The following TCF7 variants were observed in gnomAD, a reference collection of about 807,000 sequenced individuals.
TCF7 encodes T-cell-factor-7.
A neutral mutation model predicts 46.8 loss-of-function variants in TCF7; 19 were observed. The observed-to-expected ratio is 0.41, with a 90% CI of 0.28 to 0.60. The LOEUF (loss-of-function observed/expected upper bound fraction) is 0.60. TCF7 is among the 20% of genes least tolerant of loss of function. The pLI is 0.35. For missense variants in TCF7, 547 were observed against 504.6 expected (o/e 1.08, Z -0.81); for synonymous variants, 245 against 213.4 (o/e 1.15, Z -1.29).
At chr5:134,124,886 G>C (rs1397801794) in intron 3 of TCF7, among the ~76,000 whole-genome samples, 1 of 152,206 alleles carries the variant, frequency 6.6e-6, no homozygotes, top group African/African-American at 2.4e-5. Context: ...TTGGGTGCCA[G>C]TGGTGGCAAA....
chr5:134,116,843 T>C (rs1755906173), intron 3 of TCF7, among the ~76,000 whole-genome samples: 2 of 152,266 alleles, frequency 1.3e-5, no homozygotes, highest in Admixed American at 6.5e-5. Context: ...TTTCACACTC[T>C]CCTCAGTTGG....
chr5:134,119,938 G>A (rs182671327), intron 3 of TCF7, among the ~76,000 whole-genome samples: 15 of 152,326 alleles, frequency 9.8e-5, no homozygotes, highest in Non-Finnish European at 2.9e-5. Context: ...CACCAAGCTT[G>A]GTACCAGGTA....
At position 134,121,470 on chromosome 5, in the gene TCF7, GCTACT is replaced by G. The variant is rs1378003034; in HGVS notation, c.441+5444_441+5448del. Among the ~76,000 whole-genome samples the G allele has an allele frequency of 4.0e-5, 6 of 151,622 alleles. No individual in the cohort carries two copies. In the East Asian group the frequency reaches 5.8e-4, roughly 15 times the overall value. ...ATGGTGGCACACGCCTGTAATCCCA[GCTACT>G]CTACTCAGGAGGCTGAGGCAGGAGA... On this transcript the variant is annotated intron_variant, in intron 3 of 9. Coordinates refer to ENST00000342854, the MANE Select transcript of TCF7 (RefSeq NM_003202.5).
chr5:134,115,489 C>T, intron 2 of TCF7, 102 bp downstream of exon 2: 1 of 1,502,014 alleles, frequency 6.7e-7, no homozygotes, highest in Non-Finnish European at 8.9e-7. Context: ...CCTCCCCCAC[C>T]GCAGCTCAGG....
chr5:134,125,979 G>A (rs1166839562), intron 3 of TCF7, among the ~76,000 whole-genome samples: 1 of 152,228 alleles, frequency 6.6e-6, no homozygotes, highest in Non-Finnish European at 1.5e-5. Flanking sequence ...TGGGACTGGG[G>A]GAAGCTTTGT....
At chr5:134,125,534 T>C (rs1490983994) in intron 3 of TCF7, among the ~76,000 whole-genome samples, 3 of 152,228 alleles carry the variant, frequency 2.0e-5, no homozygotes, top group South Asian at 2.1e-4. Flanking sequence ...GCCCTGTGGC[T>C]GTACCCAAGG....
chr5:134,145,606 C>A, intron 9 of TCF7: 1 of 871,966 alleles, frequency 1.1e-6, no homozygotes, highest in Non-Finnish European at 1.8e-6. Flanking sequence ...ACTTGTCCAG[C>A]CTCTCAGTGT....
intron 5 of TCF7, chr5:134,141,166 A>C: frequency 5.9e-6 from 1 of 169,498 alleles, no homozygotes. Context: ...GTGTGCACTC[A>C]CCTCTGTTCT....
chr5:134,123,726 T>C (rs1486119011), intron 3 of TCF7: 1 of 456,238 alleles, frequency 2.2e-6, no homozygotes, highest in Admixed American at 2.3e-5. Context: ...TGGGAGAAGC[T>C]GATGGGCGCA....
At chr5:134,113,663 C>A (rs1276550432), upstream of TCF7, among the ~76,000 whole-genome samples, 1 of 152,274 alleles carries the variant, frequency 6.6e-6, no homozygotes, top group Non-Finnish European at 1.5e-5. Flanking sequence ...TTTGTAGATG[C>A]AGGGGCTGAG....
Position 134,115,174 on chromosome 5 carries a change from C to A in TCF7, c.249+19C>A. Reference sequence around the variant, plus strand: ...GGCCGAGGTGAGCCCCCGCCGGCGCCGGCTCCTCCCCCGCGGTCGCCGCGC... The same window carrying A: ...GGCCGAGGTGAGCCCCCGCCGGCGCAGGCTCCTCCCCCGCGGTCGCCGCGC... On this transcript the variant is annotated intron_variant, in intron 1 of 9. Coordinates refer to ENST00000342854, the MANE Select transcript of TCF7 (RefSeq NM_003202.5). 9.5e-7 allele frequency: 1 copy of A among 1,047,188 alleles called. No individual in the cohort carries two copies. The highest frequency in any genetic ancestry group is 4.5e-5 in the South Asian group (1 of 22,366). The allele number at this position is 1,047,188 out of a possible 1,614,324, so 64.9% of individuals were successfully genotyped here.
chr5:134,142,060 GTAGGAT>G, intron 5 of TCF7, 119 bp from the exon 6 acceptor site: 1 of 1,349,982 alleles, frequency 7.4e-7, no homozygotes, highest in African/African-American at 1.4e-5. Context: ...GTCTAGGCCA[GTAGGAT>G]AGAGTATCTA....
At chr5:134,122,430 T>C (rs900100295) in intron 3 of TCF7, among the ~76,000 whole-genome samples, 2 of 152,118 alleles carry the variant, frequency 1.3e-5, no homozygotes, top group African/African-American at 4.8e-5. Context: ...CACGGGAATA[T>C]TCATACCAGC....
Position 134,115,185 on chromosome 5 carries a change from C to T in TCF7, c.249+30C>T, listed in dbSNP as rs541117350. 4 of 1,072,244 alleles carry T rather than the reference C, an allele frequency of 3.7e-6. No individual in the cohort carries two copies. In the South Asian group the frequency reaches 1.8e-4, roughly 47 times the overall value. 66.4% of individuals were successfully genotyped at this position (1,072,244 alleles called of 1,614,324 possible). On this transcript the variant is annotated intron_variant, in intron 1 of 9. Coordinates refer to ENST00000342854, the MANE Select transcript of TCF7 (RefSeq NM_003202.5). ...GCCCCCGCCGGCGCCGGCTCCTCCC[C>T]CGCGGTCGCCGCGCCGCGCCGCCCC...
intron 3 of TCF7, among the ~76,000 whole-genome samples, chr5:134,119,736 C>T (rs144768162): frequency 7.9e-4 from 121 of 152,354 alleles, no homozygotes; most frequent in Non-Finnish European, 1.5e-3. Flanking sequence ...GAGCAAGGCT[C>T]CAGCAGAGGA....
intron 3 of TCF7, among the ~76,000 whole-genome samples, chr5:134,135,023 G>C (rs772324849): frequency 1.3e-5 from 2 of 152,142 alleles, no homozygotes; most frequent in Non-Finnish European, 2.9e-5. Context: ...GCACAATCAC[G>C]GCTCACTGCA....
Position 134,115,503 on chromosome 5 carries a change from C to G in TCF7, c.316+116C>G, listed in dbSNP as rs376794886. 2.0e-6 allele frequency: 3 copies of G among 1,482,502 alleles called. No individual in the cohort carries two copies. In the South Asian group the frequency reaches 4.0e-5, roughly 20 times the overall value. 91.8% of individuals were successfully genotyped at this position (1,482,502 alleles called of 1,614,324 possible). The stretch of plus-strand genomic sequence containing the variant: ...GCCTCCCCCACCGCAGCTCAGGAGG[C>G]GGCAGAACCCAGGGGTGGAGAGTGG... On this transcript the variant is annotated intron_variant, in intron 2 of 9. Transcript: ENST00000342854.
intron 3 of TCF7, among the ~76,000 whole-genome samples, chr5:134,133,446 C>T (rs979722767): frequency 6.6e-6 from 1 of 152,166 alleles, no homozygotes; most frequent in East Asian, 1.9e-4. Flanking sequence ...AGTCACCAGG[C>T]TCCCCATATA....
intron 3 of TCF7, among the ~76,000 whole-genome samples, chr5:134,136,866 GT>G (rs1561681942): frequency 6.6e-6 from 1 of 152,182 alleles, no homozygotes; most frequent in Non-Finnish European, 1.5e-5. Flanking sequence ...AAGATGTCCC[GT>G]TTCCTCTGTG....
Sources: gnomAD v4.1 joint callset for allele counts (sites outside exome capture counted in the v4.1 genomes callset) on GRCh38, gnomAD v4.1.1 for gene constraint, MANE v1.5 for transcripts, NCBI Gene and HGNC (gene_info 2026-07-23, HGNC 2026-07-21) for gene names.